DTNBP1: variants seen among roughly 807,000 people sequenced by gnomAD.
DTNBP1 encodes the protein dystrobrevin binding protein 1.
Under a neutral mutation model 42.8 loss-of-function variants are expected in DTNBP1, and 35 were observed. The ratio of observed to expected loss-of-function variants is 0.82; its 90% CI spans 0.63 to 1.09. The LOEUF (loss-of-function observed/expected upper bound fraction) is 1.09, where lower values mean the gene tolerates loss of function less well. Among genes scored for constraint, DTNBP1 ranks in the 50% least tolerant of loss-of-function variants. The pLI is 0.00. For synonymous variants in DTNBP1, 171 were observed against 162.2 expected, an observed-to-expected ratio of 1.05 and a Z score of -0.41; for missense variants, 457 against 424.2, an observed-to-expected ratio of 1.08 and a Z score of -0.68.
intron 6 of DTNBP1, 166 bp downstream of exon 6, chr6:15,615,101 T>C (rs1168148001): frequency 1.0e-6 from 1 of 965,750 alleles, no homozygotes. Context: ...CTCCAAAAGA[T>C]GGCAACAGAC....
intron 3 of DTNBP1, among the ~76,000 whole-genome samples, chr6:15,649,656 A>T (rs1269473001): frequency 1.3e-5 from 2 of 152,242 alleles, no homozygotes; most frequent in Admixed American, 1.3e-4. Flanking sequence ...TATGTATATT[A>T]CATTTTTAAA....
chr6:15,642,996 TA>T (rs751040627), intron 3 of DTNBP1, among the ~76,000 whole-genome samples: 2 of 151,844 alleles, frequency 1.3e-5, no homozygotes, highest in Non-Finnish European at 2.9e-5. Context: ...CAATAAAGAA[TA>T]AAAAATACGT....
At chr6:15,541,987 AGAAAC>A (rs1220851228) in intron 7 of DTNBP1, among the ~76,000 whole-genome samples, 1 of 152,228 alleles carries the variant, frequency 6.6e-6, no homozygotes, top group Non-Finnish European at 1.5e-5. Flanking sequence ...ATGTTAAAAG[AGAAAC>A]AGTAACACTT....
chr6:15,646,256 T>C (rs1760671431), intron 3 of DTNBP1, among the ~76,000 whole-genome samples: 1 of 91,212 alleles, frequency 1.1e-5, no homozygotes, highest in Admixed American at 9.8e-5. Flanking sequence ...TCATTTACAA[T>C]AGACACACAC....
chr6:15,645,804 A>G (rs1397312734), intron 3 of DTNBP1, among the ~76,000 whole-genome samples: 3 of 152,140 alleles, frequency 2.0e-5, no homozygotes, highest in African/African-American at 7.2e-5. Flanking sequence ...ACTAAGAGCC[A>G]TATATGACAA....
intron 9 of DTNBP1, chr6:15,524,064 G>A (rs1561931247): frequency 1.5e-6 from 2 of 1,304,502 alleles, no homozygotes; most frequent in Non-Finnish European, 2.0e-6. Context: ...GAACTGAAGT[G>A]CAACTAAGTT....
At chr6:15,543,177 T>C (rs1773677933) in intron 7 of DTNBP1, among the ~76,000 whole-genome samples, 1 of 152,124 alleles carries the variant, frequency 6.6e-6, no homozygotes, top group African/African-American at 2.4e-5. Context: ...CCATCAGGGA[T>C]TTTTCCCCCC....
At chr6:15,577,466 G>C (rs977900099) in intron 7 of DTNBP1, among the ~76,000 whole-genome samples, 1 of 152,234 alleles carries the variant, frequency 6.6e-6, no homozygotes, top group Admixed American at 6.5e-5. Context: ...GCAGTTTGTG[G>C]GCAGCACTGG....
intron 7 of DTNBP1, among the ~76,000 whole-genome samples, chr6:15,584,503 A>G (rs1365903931): frequency 1.3e-5 from 2 of 151,986 alleles, no homozygotes; most frequent in Non-Finnish European, 2.9e-5. Flanking sequence ...TAATGCTCCA[A>G]TTTTATAATG....
chr6:15,627,444 G>A lies in DTNBP1; in HGVS notation c.254C>T (p.Ala85Val), dbSNP rs894334768. ...LVDSEVVMLSAHWEKKKTSLV... is the reference protein window; with the variant it reads ...LVDSEVVMLSVHWEKKKTSLV... ...GCTTGTCTTTTTCTTCTCCCAGTGCGCAGAAAGCATGACCACCTCGCTATC... is the reference window on the plus strand; with the variant it reads ...GCTTGTCTTTTTCTTCTCCCAGTGCACAGAAAGCATGACCACCTCGCTATC... Residue 85 changes from alanine to valine, a missense_variant, in exon 5 of 10, where the codon GCG (alanine) becomes GTG (valine). Ala to Val is a moderately conservative substitution (Grantham distance 64, BLOSUM62 0). Transcript: ENST00000344537. 23 of 1,613,812 alleles carry A rather than the reference G, an allele frequency of 1.4e-5. No homozygotes were observed. The highest frequency in any genetic ancestry group is 8.0e-5 in the African/African-American group (6 of 74,910).
intron 6 of DTNBP1, among the ~76,000 whole-genome samples, chr6:15,604,557 C>T (rs1448412125): frequency 6.6e-6 from 1 of 152,220 alleles, no homozygotes; most frequent in Non-Finnish European, 1.5e-5. Context: ...CTCCCCTTCT[C>T]CCCAGCTTGC....
At chr6:15,572,206 A>G (rs186688487) in intron 7 of DTNBP1, among the ~76,000 whole-genome samples, 35 of 152,264 alleles carry the variant, frequency 2.3e-4, no homozygotes, top group Non-Finnish European at 4.4e-4. Context: ...TATTGTTCCC[A>G]TTTTATAGCT....
At chr6:15,624,081 C>T (rs757665620) in intron 5 of DTNBP1, among the ~76,000 whole-genome samples, 9 of 152,208 alleles carry the variant, frequency 5.9e-5, no homozygotes, top group South Asian at 2.1e-4. Context: ...AGAGTCTGTA[C>T]GCAGTGCGTG....
chr6:15,615,348 T>C lies in DTNBP1; in HGVS notation c.407A>G (p.Glu136Gly), dbSNP rs1346886978. Residue 136 changes from glutamate (E) to glycine (G), a missense_variant, in exon 6 of 10, where the codon GAA (glutamate) becomes GGA (glycine). Physicochemically the swap from Glu to Gly is moderately conservative, Grantham distance 98 (BLOSUM62 -2). Transcript: ENST00000344537. ...TAATTCACACTGCCCACATAAGTCT[T>C]CCAGATGCAGCAGGTTGTTCTCTAC... is the stretch of plus-strand genomic sequence containing the variant. ...EEVENNLLHL[E>G]DLCGQCELER... The C allele has an allele frequency of 6.2e-7, 1 of 1,614,104 alleles. No individual in the cohort carries two copies. The highest frequency in any genetic ancestry group is 8.5e-7 in the Non-Finnish European group (1 of 1,180,022).
chr6:15,537,253 T>C (rs1773291867), intron 7 of DTNBP1, among the ~76,000 whole-genome samples: 1 of 110,778 alleles, frequency 9.0e-6, no homozygotes, highest in African/African-American at 5.1e-5. Context: ...CATGTATTTT[T>C]TGTAAAAATA....
At chr6:15,618,657 C>T (rs763811302) in intron 5 of DTNBP1, among the ~76,000 whole-genome samples, 10 of 151,996 alleles carry the variant, frequency 6.6e-5, no homozygotes, top group Non-Finnish European at 1.3e-4. Flanking sequence ...CTATGGAAAA[C>T]AGTATGGAAG....
Position 15,627,340 on chromosome 6 carries a change from T to TA in DTNBP1, c.355+2dup. ...TAATGTACAATGAAAACATTGGACT[T>TA]ACTCAGATTTGCTGTCATGGATTCT... On this transcript the variant is annotated splice_region_variant and intron_variant, in intron 5 of 9. Coordinates refer to ENST00000344537, the MANE Select transcript of DTNBP1 (RefSeq NM_032122.5). 6.2e-7 allele frequency: 1 copy of TA among 1,613,322 alleles called. No individual in the cohort carries two copies. The highest frequency in any genetic ancestry group is 8.5e-7 in the Non-Finnish European group (1 of 1,179,794).
At chr6:15,523,547 T>C (rs1341076055) in intron 9 of DTNBP1, 1 of 1,267,966 alleles carries the variant, frequency 7.9e-7, no homozygotes. Flanking sequence ...CTTGTAACCT[T>C]GATAATCTAG....
chr6:15,614,538 C>T (rs137963664), intron 6 of DTNBP1, among the ~76,000 whole-genome samples: 152 of 152,304 alleles, frequency 1.0e-3, no homozygotes, highest in African/African-American at 3.4e-3. Context: ...TGACTCCCCA[C>T]GGACTTCAGA....
Sources: allele counts gnomAD v4.1 joint callset (sites outside exome capture counted in the v4.1 genomes callset), GRCh38; gene constraint gnomAD v4.1.1; transcripts MANE v1.5; gene names NCBI Gene and HGNC (gene_info 2026-07-23, HGNC 2026-07-21).